GPC5: variants seen among roughly 807,000 people sequenced by gnomAD.
GPC5 encodes the protein glypican 5.
GPC5 carries 47 observed loss-of-function variants against 53.9 expected under a neutral mutation model. The observed-to-expected ratio is 0.87, with a 90% confidence interval of 0.69 to 1.11. GPC5 has a LOEUF of 1.11. Among genes scored for constraint, GPC5 ranks in the 50% most tolerant of loss-of-function variants. The probability of loss-of-function intolerance (pLI) is 0.00; values close to 1 mark genes in which losing one functional copy is unlikely to be tolerated. For synonymous variants in GPC5, 286 were observed against 263.3 expected (o/e 1.09, Z -0.84); for missense variants, 748 against 713.1 (o/e 1.05, Z -0.56).
intron 2 of GPC5, among the ~76,000 whole-genome samples, chr13:91,571,783 A>ATATACGTGTGTGTATATATACACACG (rs2031805214): frequency 7.6e-6 from 1 of 131,094 alleles, no homozygotes; most frequent in African/African-American, 2.8e-5. Flanking sequence ...ATACACACAC[A>ATATACGTGTGTGTATATATACACACG]TATACGTGTG....
intron 5 of GPC5, among the ~76,000 whole-genome samples, chr13:91,855,770 T>G (rs2038960763): frequency 6.6e-6 from 1 of 151,674 alleles, no homozygotes. Flanking sequence ...AATATTATGC[T>G]TTTCTTGATG....
At chr13:92,127,281 A>C (rs536749623) in intron 6 of GPC5, among the ~76,000 whole-genome samples, 1 of 152,016 alleles carries the variant, frequency 6.6e-6, no homozygotes, top group South Asian at 2.1e-4. Flanking sequence ...ATATGTGTAT[A>C]TATATATGTG....
chr13:91,536,695 T>C (rs946067023), intron 2 of GPC5, among the ~76,000 whole-genome samples: 1 of 152,208 alleles, frequency 6.6e-6, no homozygotes, highest in African/African-American at 2.4e-5. Flanking sequence ...TGTGTCTATA[T>C]AAGTACATCA....
intron 7 of GPC5, among the ~76,000 whole-genome samples, chr13:92,684,783 A>C (rs1401350727): frequency 6.6e-6 from 1 of 152,192 alleles, no homozygotes; most frequent in Non-Finnish European, 1.5e-5. Context: ...ATCATATACT[A>C]AGAGTGTGCT....
intron 5 of GPC5, among the ~76,000 whole-genome samples, chr13:91,814,545 AT>A (rs1034258253): frequency 6.6e-6 from 1 of 151,444 alleles, no homozygotes; most frequent in Non-Finnish European, 1.5e-5. Context: ...TTATTTATTT[AT>A]TTATTTATTT....
intron 7 of GPC5, among the ~76,000 whole-genome samples, chr13:92,822,632 G>T (rs1379029399): frequency 2.6e-5 from 4 of 152,132 alleles, no homozygotes; most frequent in Non-Finnish European, 5.9e-5. Context: ...CTTTAAGAGG[G>T]TGGACATAAA....
intron 5 of GPC5, among the ~76,000 whole-genome samples, chr13:91,777,601 G>T (rs766736843): frequency 6.6e-6 from 1 of 152,120 alleles, no homozygotes; most frequent in Non-Finnish European, 1.5e-5. Context: ...GTTGTTAATA[G>T]ATTTCTTAAA....
At chr13:91,498,595 GT>G (rs1884436858) in intron 2 of GPC5, among the ~76,000 whole-genome samples, 1 of 152,094 alleles carries the variant, frequency 6.6e-6, no homozygotes, top group Non-Finnish European at 1.5e-5. Context: ...AGATCATCGT[GT>G]TTTTAAATAT....
intron 2 of GPC5, among the ~76,000 whole-genome samples, chr13:91,567,768 T>G (rs2031600841): frequency 6.6e-6 from 1 of 152,170 alleles, no homozygotes; most frequent in Non-Finnish European, 1.5e-5. Context: ...CAACTCCACT[T>G]TAGAAAGCCT....
At chr13:91,671,899 A>T (rs947899124) in intron 2 of GPC5, among the ~76,000 whole-genome samples, 1 of 152,004 alleles carries the variant, frequency 6.6e-6, no homozygotes. Flanking sequence ...ACAGACATAG[A>T]GACCAAGGGA....
intron 7 of GPC5, among the ~76,000 whole-genome samples, chr13:92,412,874 A>G (rs1285134716): frequency 6.6e-6 from 1 of 152,174 alleles, no homozygotes; most frequent in Non-Finnish European, 1.5e-5. Flanking sequence ...AGCTTTTCCA[A>G]ATTAAAATTT....
intron 6 of GPC5, among the ~76,000 whole-genome samples, chr13:92,126,408 C>T (rs1490644016): frequency 6.6e-6 from 1 of 152,148 alleles, no homozygotes; most frequent in Non-Finnish European, 1.5e-5. Flanking sequence ...ATGTCTTGCA[C>T]ATAGGACAAA....
chr13:91,478,881 T>TTA (rs71113743), intron 2 of GPC5, among the ~76,000 whole-genome samples: 1,577 of 67,364 alleles, frequency 0.023, 73 homozygotes, highest in Middle Eastern at 0.034. Flanking sequence ...TATATACACA[T>TTA]TATATATATA....
At chr13:91,420,558 C>T (rs1878544746) in intron 1 of GPC5, among the ~76,000 whole-genome samples, 1 of 152,182 alleles carries the variant, frequency 6.6e-6, no homozygotes, top group African/African-American at 2.4e-5. Flanking sequence ...GATTTACCTT[C>T]AGATATTTTG....
intron 6 of GPC5, among the ~76,000 whole-genome samples, chr13:92,110,768 T>G (rs2041550471): frequency 6.6e-6 from 1 of 152,196 alleles, no homozygotes; most frequent in South Asian, 2.1e-4. Context: ...CTCCTCATGT[T>G]TGTAAATGTA....
rs74110203 is a variant in GPC5 at position 92,325,541 on chromosome 13, G to A, written c.1561+180552G>A. Among the ~76,000 whole-genome samples, 1,510 of 152,132 alleles carry A rather than the reference G, an allele frequency of 9.9e-3. 19 individuals carry two copies. Among genetic ancestry groups the A allele is most frequent in the African/African-American group, 0.034 (1,409 of 41,510 alleles). Reference sequence around the variant, plus strand: ...GGATGATTGTATTCACTGTGGTGGAGCATATCAAGAGGAGAAACAGAGAAG... The same window carrying A: ...GGATGATTGTATTCACTGTGGTGGAACATATCAAGAGGAGAAACAGAGAAG... On this transcript the variant is annotated intron_variant, in intron 7 of 7. Coordinates refer to ENST00000377067, the MANE Select transcript of GPC5 (RefSeq NM_004466.6).
chr13:92,114,892 C>T (rs545151586), intron 6 of GPC5, among the ~76,000 whole-genome samples: 115 of 152,178 alleles, frequency 7.6e-4, no homozygotes, highest in Middle Eastern at 3.4e-3. Context: ...TCTACCAATA[C>T]GTTCTTGAGT....
At chr13:91,633,105 G>C (rs1161106455) in intron 2 of GPC5, among the ~76,000 whole-genome samples, 1 of 152,198 alleles carries the variant, frequency 6.6e-6, no homozygotes, top group African/African-American at 2.4e-5. Flanking sequence ...TGGATTTGCT[G>C]TCGTTCTGTA....
intron 7 of GPC5, among the ~76,000 whole-genome samples, chr13:92,248,202 GAAA>G (rs56862631): frequency 0.48 from 71,841 of 148,342 alleles, 17,403 homozygotes; most frequent in South Asian, 0.62. Flanking sequence ...ATGGCCATAG[GAAA>G]AAAAAAAAAA....
Sources: allele counts gnomAD v4.1 joint callset (sites outside exome capture counted in the v4.1 genomes callset), GRCh38; gene constraint gnomAD v4.1.1; transcripts MANE v1.5; gene names NCBI Gene and HGNC (gene_info 2026-07-23, HGNC 2026-07-21).